Variants in DNAH11 observed in about 807,000 individuals in gnomAD.
DNAH11 encodes the protein dynein axonemal heavy chain 11.
In DNAH11, 442 loss-of-function variants were observed where a neutral mutation model predicts 526.0. The ratio of observed to expected loss-of-function variants is 0.84; its 90% CI spans 0.78 to 0.91. The LOEUF is 0.91. Ranked by LOEUF, DNAH11 falls within the 40% of genes least tolerant of loss-of-function variation. The pLI is 0.00. For synonymous variants in DNAH11, 2,461 were observed against 1,935.9 expected (o/e 1.27, Z -7.12); for missense variants, 6,989 against 5,448.7 (o/e 1.28, Z -8.90).
rs775791987 is a variant in DNAH11 at position 21,832,458 on chromosome 7, A to T, written c.10692-10086A>T. Among the ~76,000 whole-genome samples, 5 of 152,160 alleles carry T rather than the reference A, an allele frequency of 3.3e-5. No individual in the cohort carries two copies. In the East Asian group the frequency reaches 9.6e-4, roughly 29 times the overall value. ...TTGGCTGGCTTTCCATTTGCTTGGTAAATATTCCTCCATCCCTTTATTTTG... is the reference window on the plus strand; with the variant it reads ...TTGGCTGGCTTTCCATTTGCTTGGTTAATATTCCTCCATCCCTTTATTTTG... On this transcript the variant is annotated intron_variant, in intron 65 of 81. Coordinates refer to ENST00000409508, the MANE Select transcript of DNAH11 (RefSeq NM_001277115.2).
chr7:21,729,549 G>T (rs1019989866), intron 45 of DNAH11, among the ~76,000 whole-genome samples: 1 of 152,096 alleles, frequency 6.6e-6, no homozygotes, highest in African/African-American at 2.4e-5. Context: ...GAGAAACTAG[G>T]CCACATCTTC....
rs772537109 is a variant in DNAH11 at position 21,601,173 on chromosome 7, T to C, written c.3419T>C (p.Ile1140Thr). The change falls in exon 17 of 82, where the codon ATT becomes ACT. Residue 1140 changes from isoleucine (I) to threonine (T), a missense_variant. Physicochemically the swap from Ile to Thr is moderately conservative, Grantham distance 89. Coordinates refer to ENST00000409508, the MANE Select transcript of DNAH11 (RefSeq NM_001277115.2). ...MFQEHLLRFV[I>T]DSLNELQEFI... ...CAGGAGCATCTTTTGAGATTTGTCATTGACAGGTAGCCTTTTACTTTGGTT... is the reference window on the plus strand; with the variant it reads ...CAGGAGCATCTTTTGAGATTTGTCACTGACAGGTAGCCTTTTACTTTGGTT... The C allele has an allele frequency of 3.1e-6, 5 of 1,594,896 alleles. No homozygotes were observed.
intron 54 of DNAH11, among the ~76,000 whole-genome samples, chr7:21,764,324 A>G (rs145757778): frequency 6.6e-6 from 1 of 152,208 alleles, no homozygotes; most frequent in Non-Finnish European, 1.5e-5. Flanking sequence ...TTTTTATGAC[A>G]TGGATTTTTT....
chr7:21,761,369 A>T (rs1409647738), intron 54 of DNAH11, among the ~76,000 whole-genome samples: 1 of 152,206 alleles, frequency 6.6e-6, no homozygotes. Context: ...GGTTTAGCTG[A>T]TAGAATTTAG....
chr7:21,568,103 T>G (rs897434890), intron 6 of DNAH11, among the ~76,000 whole-genome samples: 2 of 152,158 alleles, frequency 1.3e-5, no homozygotes, highest in Admixed American at 6.5e-5. Context: ...TGCAAAAGAA[T>G]AGAGAAGCAG....
intron 6 of DNAH11, among the ~76,000 whole-genome samples, chr7:21,565,664 G>C (rs913048393): frequency 8.5e-5 from 13 of 152,210 alleles, no homozygotes; most frequent in African/African-American, 3.1e-4. Context: ...CTCACTTAAG[G>C]GAAGTTCAAT....
chr7:21,770,671 G>A (rs916198905), intron 55 of DNAH11, among the ~76,000 whole-genome samples: 3 of 152,180 alleles, frequency 2.0e-5, no homozygotes, highest in Non-Finnish European at 4.4e-5. Context: ...TTTGACTATT[G>A]CATGAATGTT....
intron 44 of DNAH11, among the ~76,000 whole-genome samples, chr7:21,723,596 T>C (rs1030236701): frequency 4.6e-5 from 7 of 152,232 alleles, no homozygotes; most frequent in African/African-American, 1.7e-4. Flanking sequence ...TCCTATGATA[T>C]ACTCCAGAGT....
chr7:21,841,285 C>T (rs530602217), intron 65 of DNAH11, among the ~76,000 whole-genome samples: 38 of 152,152 alleles, frequency 2.5e-4, no homozygotes, highest in African/African-American at 8.9e-4. Flanking sequence ...TAAATACATA[C>T]TTAAGATGCA....
At chr7:21,867,825 ACT>A in intron 71 of DNAH11, 32 bp from the exon 72 acceptor site, 1 of 1,518,022 alleles carries the variant, frequency 6.6e-7, no homozygotes. Context: ...GGTCAAAACC[ACT>A]GATCATGTTT....
chr7:21,664,148 T>C (rs1250175313), intron 30 of DNAH11, among the ~76,000 whole-genome samples: 1 of 151,408 alleles, frequency 6.6e-6, no homozygotes, highest in Non-Finnish European at 1.5e-5. Flanking sequence ...TTTTTTTTTT[T>C]TGGCTTTTTT....
chr7:21,790,199 C>T (rs1439374631), intron 61 of DNAH11, among the ~76,000 whole-genome samples: 1 of 152,066 alleles, frequency 6.6e-6, no homozygotes, highest in African/African-American at 2.4e-5. Context: ...GTAATCCCAG[C>T]ACTTTGGGAG....
At chr7:21,834,332 A>T (rs75865315) in intron 65 of DNAH11, among the ~76,000 whole-genome samples, 1 of 152,170 alleles carries the variant, frequency 6.6e-6, no homozygotes, top group Non-Finnish European at 1.5e-5. Context: ...ACCAAAACCT[A>T]TGGAACACAG....
At chr7:21,544,320 T>A (rs192380817) in intron 1 of DNAH11, among the ~76,000 whole-genome samples, 1 of 152,288 alleles carries the variant, frequency 6.6e-6, no homozygotes, top group Admixed American at 6.5e-5. Context: ...TATCACTAGG[T>A]GTGGTCATTG....
At chr7:21,771,660 T>G (rs571375487) in intron 55 of DNAH11, among the ~76,000 whole-genome samples, 1 of 152,206 alleles carries the variant, frequency 6.6e-6, no homozygotes, top group Non-Finnish European at 1.5e-5. Flanking sequence ...CTTATTTTTA[T>G]TTTTGCCATC....
intron 56 of DNAH11, among the ~76,000 whole-genome samples, chr7:21,777,806 C>T (rs1158455700): frequency 6.6e-6 from 1 of 152,104 alleles, no homozygotes; most frequent in Non-Finnish European, 1.5e-5. Context: ...CAAGTAGCAG[C>T]CATAGTAGTA....
At chr7:21,788,757 A>AGG (rs1788303801) in intron 60 of DNAH11, among the ~76,000 whole-genome samples, 1 of 152,224 alleles carries the variant, frequency 6.6e-6, no homozygotes, top group Non-Finnish European at 1.5e-5. Flanking sequence ...CTTAAAGGCC[A>AGG]GACATGATCT....
At position 21,842,739 on chromosome 7, in the gene DNAH11, G is replaced by A. The variant is rs368254400; in HGVS notation, c.10887G>A (p.Glu3629=). 2.2e-5 allele frequency: 36 copies of A among 1,607,070 alleles called. No individual in the cohort carries two copies. The African/African-American group carries it at 2.8e-4, about 13-fold the overall frequency. ...TCAGTATTGAAAGGCCAGATTTGGAGAAACTTAAGGTAAAAATGTTTACGT... is the reference window on the plus strand; with the variant it reads ...TCAGTATTGAAAGGCCAGATTTGGAAAAACTTAAGGTAAAAATGTTTACGT... ...EVVSIERPDL[E]KLKLVLTKHQ... Residue 3629 remains glutamate (E), a synonymous_variant, in exon 66 of 82, where the codon GAG becomes GAA. Coordinates refer to ENST00000409508, the MANE Select transcript of DNAH11 (RefSeq NM_001277115.2).
At chr7:21,827,048 G>C (rs1284942405) in intron 65 of DNAH11, among the ~76,000 whole-genome samples, 2 of 152,178 alleles carry the variant, frequency 1.3e-5, no homozygotes, top group Non-Finnish European at 2.9e-5. Flanking sequence ...ACAGCTCCCT[G>C]TGGACCAATA....
Sources: gnomAD v4.1 joint callset for allele counts (sites outside exome capture counted in the v4.1 genomes callset) on GRCh38, gnomAD v4.1.1 for gene constraint, MANE v1.5 for transcripts, NCBI Gene and HGNC (gene_info 2026-07-23, HGNC 2026-07-21) for gene names.